The following GPATCH2 variants were observed in gnomAD, a reference collection of about 807,000 sequenced individuals.
GPATCH2 encodes G patch domain-containing protein 2.
A neutral mutation model predicts 58.0 loss-of-function variants in GPATCH2; 51 were observed. The ratio of observed to expected loss-of-function variants is 0.88; its 90% CI spans 0.70 to 1.11. The LOEUF is 1.11. GPATCH2 is among the 50% of genes most tolerant of loss of function. The pLI is 0.00. For synonymous variants in GPATCH2, 222 were observed against 218.5 expected (o/e 1.02, Z -0.14); for missense variants, 625 against 652.2 (o/e 0.96, Z 0.45).
chr1:217,448,084 G>A (rs115040804), intron 9 of GPATCH2, among the ~76,000 whole-genome samples: 1,760 of 148,520 alleles, frequency 0.012, 13 homozygotes, highest in Non-Finnish European at 0.016. Context: ...GGTGACAAGG[G>A]TGAAACTCTG....
At chr1:217,581,706 A>C (rs1462517306) in intron 5 of GPATCH2, among the ~76,000 whole-genome samples, 1 of 152,314 alleles carries the variant, frequency 6.6e-6, no homozygotes, top group East Asian at 1.9e-4. Context: ...TAATTCTAGC[A>C]CTTTGGGAGG....
chr1:217,537,846 T>C (rs1431370105), intron 5 of GPATCH2, among the ~76,000 whole-genome samples: 2 of 152,216 alleles, frequency 1.3e-5, no homozygotes, highest in East Asian at 3.8e-4. Flanking sequence ...TTCAGTTTTT[T>C]AATATTAAAA....
Position 217,537,718 on chromosome 1 carries a change from A to G in GPATCH2, c.1099-22829T>C, listed in dbSNP as rs1027348686. Among the ~76,000 whole-genome samples the G allele has an allele frequency of 4.6e-5, 7 of 152,046 alleles. No individual in the cohort carries two copies. The East Asian group carries it at 9.7e-4, about 21-fold the overall frequency. On this transcript the variant is annotated intron_variant, in intron 5 of 9. Coordinates refer to ENST00000366935, the MANE Select transcript of GPATCH2 (RefSeq NM_018040.5). Reference sequence around the variant, plus strand: ...AATGTCCATTTAGACTACATAAGGAAAAAAGGAAATGCTTAAATTAATTTG... The same window carrying G: ...AATGTCCATTTAGACTACATAAGGAGAAAAGGAAATGCTTAAATTAATTTG...
intron 8 of GPATCH2, among the ~76,000 whole-genome samples, chr1:217,458,828 A>G (rs1313588915): frequency 6.6e-6 from 1 of 152,154 alleles, no homozygotes; most frequent in Non-Finnish European, 1.5e-5. Context: ...CTACTCTTCC[A>G]AGTGTTTTTC....
chr1:217,610,674 A>G (rs942874805), intron 4 of GPATCH2, among the ~76,000 whole-genome samples: 9 of 152,228 alleles, frequency 5.9e-5, no homozygotes, highest in Non-Finnish European at 1.3e-4. Flanking sequence ...TATCATTTCA[A>G]CATTTTCTCA....
At chr1:217,456,293 G>A (rs1188525454) in intron 8 of GPATCH2, among the ~76,000 whole-genome samples, 1 of 152,148 alleles carries the variant, frequency 6.6e-6, no homozygotes, top group African/African-American at 2.4e-5. Context: ...GAGCCCCAAA[G>A]TGCTCACCCC....
At chr1:217,548,706 T>C (rs886351619) in intron 5 of GPATCH2, among the ~76,000 whole-genome samples, 2 of 152,026 alleles carry the variant, frequency 1.3e-5, no homozygotes, top group Non-Finnish European at 2.9e-5. Context: ...TGGGGGCAGT[T>C]TCCTCCATAC....
intron 7 of GPATCH2, 109 bp downstream of exon 7, chr1:217,498,247 G>A: frequency 3.5e-6 from 3 of 850,254 alleles, no homozygotes; most frequent in Non-Finnish European, 6.2e-6. Flanking sequence ...TTTAAAATGA[G>A]CGGGGATTTG....
At chr1:217,450,491 A>T (rs1203876048) in intron 8 of GPATCH2, among the ~76,000 whole-genome samples, 2 of 152,130 alleles carry the variant, frequency 1.3e-5, no homozygotes, top group Admixed American at 6.5e-5. Flanking sequence ...TATAAAGCAC[A>T]AAGTACAGTC....
intron 8 of GPATCH2, among the ~76,000 whole-genome samples, chr1:217,458,211 C>T (rs1043630538): frequency 1.3e-5 from 2 of 152,108 alleles, no homozygotes; most frequent in Non-Finnish European, 2.9e-5. Flanking sequence ...GCTTGGGAAA[C>T]AGAGCGAAAC....
At chr1:217,478,497 G>C (rs1315052349) in intron 8 of GPATCH2, among the ~76,000 whole-genome samples, 1 of 152,172 alleles carries the variant, frequency 6.6e-6, no homozygotes, top group Non-Finnish European at 1.5e-5. Flanking sequence ...CTGGCATACT[G>C]AAGAAAGGAT....
chr1:217,564,367 A>C (rs1375076235), intron 5 of GPATCH2, among the ~76,000 whole-genome samples: 1 of 152,192 alleles, frequency 6.6e-6, no homozygotes. Flanking sequence ...CACAGCCTTC[A>C]TTTAACAGTA....
chr1:217,572,268 T>G (rs1284548192), intron 5 of GPATCH2, among the ~76,000 whole-genome samples: 1 of 152,146 alleles, frequency 6.6e-6, no homozygotes, highest in Non-Finnish European at 1.5e-5. Flanking sequence ...TAACTTATTC[T>G]GTGTAACTCG....
intron 8 of GPATCH2, among the ~76,000 whole-genome samples, chr1:217,468,979 C>T (rs1660600465): frequency 6.6e-6 from 1 of 152,016 alleles, no homozygotes; most frequent in South Asian, 2.1e-4. Flanking sequence ...TCTTTTCAAT[C>T]CTTAAGATTG....
intron 8 of GPATCH2, among the ~76,000 whole-genome samples, chr1:217,472,265 T>C (rs1360604369): frequency 3.3e-5 from 5 of 151,756 alleles, no homozygotes; most frequent in Non-Finnish European, 5.9e-5. Context: ...CACTTAGTAT[T>C]AGGCATCGCT....
At chr1:217,571,114 T>C (rs1666516347) in intron 5 of GPATCH2, among the ~76,000 whole-genome samples, 1 of 152,216 alleles carries the variant, frequency 6.6e-6, no homozygotes, top group South Asian at 2.1e-4. Flanking sequence ...AGTTTAATTA[T>C]ATCAGACCGT....
chr1:217,626,804 T>C (rs1042501071), intron 1 of GPATCH2, among the ~76,000 whole-genome samples: 6 of 152,150 alleles, frequency 3.9e-5, no homozygotes, highest in African/African-American at 1.2e-4. Context: ...TCGACACTTA[T>C]GCTAGTTTAG....
intron 7 of GPATCH2, chr1:217,498,057 C>T (rs1286842255): frequency 4.0e-6 from 2 of 495,810 alleles, no homozygotes; most frequent in African/African-American, 2.0e-5. Context: ...GATACCTTAA[C>T]TTTGTGAAAA....
intron 8 of GPATCH2, among the ~76,000 whole-genome samples, chr1:217,479,330 C>A (rs570235858): frequency 6.6e-5 from 10 of 151,990 alleles, no homozygotes; most frequent in Non-Finnish European, 1.0e-4. Flanking sequence ...TTTTTCAAGA[C>A]AGTACAAGAA....
Sources: gnomAD v4.1 joint callset for allele counts (sites outside exome capture counted in the v4.1 genomes callset) on GRCh38, gnomAD v4.1.1 for gene constraint, MANE v1.5 for transcripts, NCBI Gene and HGNC (gene_info 2026-07-23, HGNC 2026-07-21) for gene names.